The following KNOP1 variants were observed in gnomAD, a reference collection of about 807,000 sequenced individuals.
The protein encoded by KNOP1 is lysine rich nucleolar protein 1.
In KNOP1, 20 loss-of-function variants were observed where a neutral mutation model predicts 30.6. The observed-to-expected ratio is 0.65, with a 90% CI of 0.46 to 0.95. The LOEUF (loss-of-function observed/expected upper bound fraction) is 0.95, where lower values mean the gene tolerates loss of function less well. Ranked by LOEUF, KNOP1 falls within the 40% of genes least tolerant of loss-of-function variation. The probability of loss-of-function intolerance (pLI) is 0.00; values close to 1 mark genes in which losing one functional copy is unlikely to be tolerated. For synonymous variants in KNOP1, 204 were observed against 210.0 expected, an observed-to-expected ratio of 0.97 and a Z score of 0.25; for missense variants, 540 against 562.0, an observed-to-expected ratio of 0.96 and a Z score of 0.40.
rs775721264 is a variant in KNOP1, at chr16:19,714,224, TTCA to T, written c.809_811del (p.Met270del). ...TGGCTGCTCTACCTTCTTTTTGGAC[TTCA>T]TCTTTTTCTTTGCGGAGGCCTTAGG... On this transcript the variant is annotated inframe_deletion, in exon 2 of 5. Coordinates refer to ENST00000219837, the MANE Select transcript of KNOP1 (RefSeq NM_001012991.3). 4 of 1,614,104 alleles carry T rather than the reference TTCA, an allele frequency of 2.5e-6. No individual in the cohort carries two copies. The South Asian group carries it at 4.4e-5, about 18-fold the overall frequency.
chr16:19,710,533 T>C lies in KNOP1; in HGVS notation c.1041A>G (p.Glu347=), dbSNP rs776531564. The part of the protein sequence containing the change: ...EEIDRESGKT[E]ASETRKWTGT... ...CCGTCCACTTCCTGGTTTCAGAAGCTTCCGTTTTGCCTGACTCGCGATCGA... is the reference window on the plus strand; with the variant it reads ...CCGTCCACTTCCTGGTTTCAGAAGCCTCCGTTTTGCCTGACTCGCGATCGA... The change falls in exon 4 of 5, where the codon GAA becomes GAG. Residue 347 remains glutamate (E), a synonymous_variant. Coordinates refer to ENST00000219837, the MANE Select transcript of KNOP1 (RefSeq NM_001012991.3). 1.9e-6 allele frequency: 3 copies of C among 1,612,736 alleles called. No homozygotes were observed. The highest frequency in any genetic ancestry group is 2.5e-6 in the Non-Finnish European group (3 of 1,180,022).
rs748254206 is a variant in KNOP1 at position 19,714,098 on chromosome 16, A to T, written c.918+20T>A. The T allele has an allele frequency of 1.3e-6, 2 of 1,595,498 alleles. No homozygotes were observed. The highest frequency in any genetic ancestry group is 3.5e-5 in the Admixed American group (2 of 56,696). On this transcript the variant is annotated intron_variant, in intron 2 of 4. Coordinates refer to ENST00000219837, the MANE Select transcript of KNOP1 (RefSeq NM_001012991.3). ...CCTTAATTCTCCCACGGCAAAGTCC[A>T]TTTCTGAAGGAAAAACTACCTCCTT...
chr16:19,712,312 T>G (rs2151650336), intron 2 of KNOP1, among the ~76,000 whole-genome samples: 1 of 152,242 alleles, frequency 6.6e-6, no homozygotes, highest in Middle Eastern at 3.4e-3. Context: ...CTGGAGGCCT[T>G]TGATATGGAG....
At chr16:19,712,159 G>C (rs1976754529) in intron 2 of KNOP1, 1 of 152,226 alleles carries the variant, frequency 6.6e-6, no homozygotes, top group South Asian at 2.1e-4. Flanking sequence ...TGGGAGAAGG[G>C]ATTCTAGAGT....
In KNOP1 at chr16:19,705,342, C is replaced by A. The variant is rs1256828989; in HGVS notation, c.*1568G>T. ...CAAACGATCGTGAAAATGTCCCAGT[C>A]AGAACCTGTATTTTGGGATGCAAAA... On this transcript the variant is annotated 3_prime_UTR_variant, in exon 5 of 5. Coordinates refer to ENST00000219837, the MANE Select transcript of KNOP1 (RefSeq NM_001012991.3). The A allele has an allele frequency of 2.3e-6, 1 of 442,228 alleles. No individual in the cohort carries two copies. 27.4% of individuals were successfully genotyped at this position (442,228 alleles called of 1,614,324 possible). A position where few individuals can be genotyped will look rare whatever the true frequency, so the allele number is the denominator to read the frequency against.
intron 1 of KNOP1, 186 bp downstream of exon 1, chr16:19,717,972 C>T: frequency 7.9e-7 from 1 of 1,270,558 alleles, no homozygotes; most frequent in Non-Finnish European, 1.0e-6. Context: ...GTCCCAGGGC[C>T]GGCTCTGAGG....
rs1370289055 is a variant in KNOP1, at chr16:19,705,166, G to C, written c.*1744C>G. The C allele has an allele frequency of 4.4e-6, 2 of 456,064 alleles. No individual in the cohort carries two copies. The highest frequency in any genetic ancestry group is 4.7e-5 in the Admixed American group (2 of 42,574). 28.3% of individuals were successfully genotyped at this position (456,064 alleles called of 1,614,324 possible). A position where few individuals can be genotyped will look rare whatever the true frequency, so the allele number is the denominator to read the frequency against. ...TTACTGCCATCTTTGTACTAGCCTTGATGAAGCCAACACTGGAGATGATGG... is the reference window on the plus strand; with the variant it reads ...TTACTGCCATCTTTGTACTAGCCTTCATGAAGCCAACACTGGAGATGATGG... On this transcript the variant is annotated 3_prime_UTR_variant, in exon 5 of 5. Transcript: ENST00000219837.
chr16:19,717,203 T>G, intron 1 of KNOP1: 1 of 563,314 alleles, frequency 1.8e-6, no homozygotes, highest in Non-Finnish European at 2.2e-6. Flanking sequence ...AACAGTTATA[T>G]TTAGGGTTCG....
In KNOP1 at chr16:19,714,653, C is replaced by T. The variant is rs780876645; in HGVS notation, c.383G>A (p.Gly128Glu). ...KSPLAMSHAS[G>E]VKTSPDPRQG... is the part of the protein sequence containing the mutation. ...TCTAGGGTCTGGGGAGGTTTTCACC[C>T]CAGAGGCATGGGACATGGCTAGAGG... Residue 128 changes from glycine (G) to glutamate (E), a missense_variant, in exon 2 of 5, where the codon GGG becomes GAG. Physicochemically the swap from Gly to Glu is moderately conservative, Grantham distance 98. Coordinates refer to ENST00000219837, the MANE Select transcript of KNOP1 (RefSeq NM_001012991.3). 14 of 1,614,100 alleles carry T rather than the reference C, an allele frequency of 8.7e-6. No homozygotes were observed. The highest frequency in any genetic ancestry group is 1.1e-5 in the Non-Finnish European group (13 of 1,180,020).
In KNOP1 at chr16:19,703,348, CTT is replaced by C. The variant is rs972821875; in HGVS notation, c.*3560_*3561del. The C allele has an allele frequency of 3.3e-5, 5 of 152,116 alleles. No individual in the cohort carries two copies. Among genetic ancestry groups the C allele is most frequent in the Non-Finnish European group, 5.9e-5 (4 of 68,028 alleles). The allele number at this position is 152,116 out of a possible 1,614,324, so 9.4% of individuals were successfully genotyped here. A position where few individuals can be genotyped will look rare whatever the true frequency, so the allele number is the denominator to read the frequency against. ...TTCTTAAGTCTCTTTGATGTGGACT[CTT>C]TTTTGCCTTCCTCTTCCACATTTAG... On this transcript the variant is annotated 3_prime_UTR_variant, in exon 5 of 5. Coordinates refer to ENST00000219837, the MANE Select transcript of KNOP1 (RefSeq NM_001012991.3).
intron 2 of KNOP1, chr16:19,711,719 G>C: frequency 2.2e-6 from 1 of 452,984 alleles, no homozygotes; most frequent in South Asian, 2.3e-5. Context: ...CACGGCTCAG[G>C]GACTGGTGAT....
intron 4 of KNOP1, among the ~76,000 whole-genome samples, chr16:19,707,930 G>GCA: frequency 2.2e-5 from 1 of 45,854 alleles, no homozygotes. Flanking sequence ...TCCCTACATA[G>GCA]CACTTCCCCC....
chr16:19,715,147 G>A, intron 1 of KNOP1, 110 bp from the exon 2 acceptor site: 2 of 718,648 alleles, frequency 2.8e-6, no homozygotes, highest in Admixed American at 2.9e-5. Context: ...AAGCGTTGTG[G>A]GACAGGGAAA....
At chr16:19,714,075 T>A (rs2151653042) in intron 2 of KNOP1, 43 bp downstream of exon 2, 371 of 1,388,950 alleles carry the variant, frequency 2.7e-4, no homozygotes, top group Non-Finnish European at 3.4e-4. Context: ...AACCCCACCC[T>A]TAATTCTCCC....
chr16:19,704,852 C>A lies in KNOP1; in HGVS notation c.*2058G>T. The A allele has an allele frequency of 4.2e-6, 1 of 238,174 alleles. No individual in the cohort carries two copies. The highest frequency in any genetic ancestry group is 5.5e-5 in the South Asian group (1 of 18,040). 14.8% of individuals were successfully genotyped at this position (238,174 alleles called of 1,614,324 possible). On this transcript the variant is annotated 3_prime_UTR_variant, in exon 5 of 5. Coordinates refer to ENST00000219837, the MANE Select transcript of KNOP1 (RefSeq NM_001012991.3). ...GTCCTTGTAGCACATACTTGTCCAA[C>A]TATTGACCTGGCCAATGCTTGCGGA...
At chr16:19,710,722 G>A (rs1023551043) in intron 3 of KNOP1, 136 bp from the exon 4 acceptor site, 1 of 700,396 alleles carries the variant, frequency 1.4e-6, no homozygotes, top group African/African-American at 1.8e-5. Flanking sequence ...CAAACAATGG[G>A]AAGCTGCTAT....
At chr16:19,707,413 C>A (rs372544907) in intron 4 of KNOP1, among the ~76,000 whole-genome samples, 192 bp from the exon 5 acceptor site, 1 of 151,974 alleles carries the variant, frequency 6.6e-6, no homozygotes, top group African/African-American at 2.4e-5. Context: ...TGTTGTTATT[C>A]CCATTGCACA....
intron 1 of KNOP1, among the ~76,000 whole-genome samples, chr16:19,715,690 G>T (rs1977015276): frequency 6.6e-6 from 1 of 152,032 alleles, no homozygotes; most frequent in South Asian, 2.1e-4. Context: ...CAAAGTGCTG[G>T]GATTACACGC....
In KNOP1 at chr16:19,706,995, C is replaced by A; in HGVS notation, c.1292G>T (p.Gly431Val). 6.2e-7 allele frequency: 1 copy of A among 1,613,992 alleles called. No individual in the cohort carries two copies. Among genetic ancestry groups the A allele is most frequent in the Non-Finnish European group, 8.5e-7 (1 of 1,180,040 alleles). ...DRAMSWKYSR[G>V]AGLGFSTAPN... ...GGCGGTGGAGAAGCCGAGGCCGGCT[C>A]CCCGGCTGTACTTCCAGCTCATGGC... Residue 431 changes from glycine (G) to valine (V), a missense_variant, in exon 5 of 5, where the codon GGA becomes GTA. Gly to Val is a moderately radical substitution (Grantham distance 109, BLOSUM62 -3). Transcript: ENST00000219837.
Sources: allele counts gnomAD v4.1 joint callset (sites outside exome capture counted in the v4.1 genomes callset), GRCh38; gene constraint gnomAD v4.1.1; transcripts MANE v1.5; gene names NCBI Gene and HGNC (gene_info 2026-07-23, HGNC 2026-07-21).